Variants in PLB1 observed in about 807,000 individuals in gnomAD.
PLB1 encodes the protein phospholipase B1, membrane-associated.
Under a neutral mutation model 227.4 loss-of-function variants are expected in PLB1, and 242 were observed. The observed-to-expected ratio is 1.06, with a 90% CI of 0.96 to 1.18. PLB1 has a LOEUF of 1.18. Among genes scored for constraint, PLB1 ranks in the 50% most tolerant of loss-of-function variants. PLB1 has a pLI of 0.00. For synonymous variants in PLB1, 757 were observed against 682.2 expected (o/e 1.11, Z -1.71); for missense variants, 1,858 against 1,816.3 (o/e 1.02, Z -0.42).
chr2:28,594,998 T>G (rs1284238694), intron 33 of PLB1: 1 of 152,038 alleles, frequency 6.6e-6, no homozygotes, highest in African/African-American at 2.4e-5. Flanking sequence ...GAAACAAAAA[T>G]CAAGCAGACG....
chr2:28,613,227 T>A (rs1433183141), intron 43 of PLB1, among the ~76,000 whole-genome samples: 3 of 152,140 alleles, frequency 2.0e-5, no homozygotes, highest in Non-Finnish European at 4.4e-5. Context: ...GCCAGCCTGG[T>A]TTTTTCTTCT....
chr2:28,549,050 C>T, intron 15 of PLB1, 119 bp downstream of exon 15: 2 of 849,420 alleles, frequency 2.4e-6, no homozygotes, highest in South Asian at 3.0e-5. Context: ...TTCTGTTCTT[C>T]TGGGCCTGCA....
Position 28,643,562 on chromosome 2 carries a change from G to A in PLB1, c.*501G>A, listed in dbSNP as rs1265028660. ...TGTTTTGTATCCAGGACAATGCGAAGCACTGAGGTGCCTCCTAGGCTGTGC... is the reference window on the plus strand; with the variant it reads ...TGTTTTGTATCCAGGACAATGCGAAACACTGAGGTGCCTCCTAGGCTGTGC... On this transcript the variant is annotated 3_prime_UTR_variant, in exon 58 of 58. Transcript: ENST00000327757. 1 of 153,116 alleles carries A rather than the reference G, an allele frequency of 6.5e-6. No individual in the cohort carries two copies. Among genetic ancestry groups the A allele is most frequent in the Admixed American group, 6.5e-5 (1 of 15,376 alleles). 9.5% of individuals were successfully genotyped at this position (153,116 alleles called of 1,614,324 possible).
At position 28,620,631 on chromosome 2, in the gene PLB1, A is replaced by G. The variant is rs780792095; in HGVS notation, c.3415A>G (p.Thr1139Ala). The G allele has an allele frequency of 6.2e-7, 1 of 1,613,884 alleles. No homozygotes were observed. Among genetic ancestry groups the G allele is most frequent in the South Asian group, 1.1e-5 (1 of 91,022 alleles). The change falls in exon 48 of 58, where the codon ACC becomes GCC. Residue 1139 changes from threonine (T) to alanine (A), a missense_variant. By Grantham distance (58) the Thr-to-Ala change is moderately conservative. Coordinates refer to ENST00000327757, the MANE Select transcript of PLB1 (RefSeq NM_153021.5). ...IGGDGNLETH[T>A]TLPNILKKFN... is the part of the protein sequence containing the mutation. ...AGGGGATGGGAACTTGGAGACTCAC[A>G]CCACACTGCCCAGTAAGTAGCAGCC...
intron 17 of PLB1, among the ~76,000 whole-genome samples, chr2:28,556,181 C>G (rs574423461): frequency 6.6e-6 from 1 of 152,244 alleles, no homozygotes; most frequent in African/African-American, 2.4e-5. Flanking sequence ...TTTCAAAAAC[C>G]TTCTTTATAG....
chr2:28,544,204 T>C (rs1672895837), intron 14 of PLB1, among the ~76,000 whole-genome samples: 1 of 152,220 alleles, frequency 6.6e-6, no homozygotes, highest in African/African-American at 2.4e-5. Context: ...CTACTGTCTG[T>C]CCTTTGAAGA....
At chr2:28,567,843 G>A (rs142031633) in intron 20 of PLB1, among the ~76,000 whole-genome samples, 1 of 152,062 alleles carries the variant, frequency 6.6e-6, no homozygotes, top group African/African-American at 2.4e-5. Flanking sequence ...CTCCCTGCTT[G>A]TTCTTAAAGT....
intron 21 of PLB1, among the ~76,000 whole-genome samples, chr2:28,576,192 C>T (rs944603122): frequency 2.6e-5 from 4 of 152,160 alleles, no homozygotes; most frequent in South Asian, 2.1e-4. Context: ...GTTATTATTC[C>T]CGTATTACAA....
chr2:28,635,342 G>C (rs77865708), intron 56 of PLB1, among the ~76,000 whole-genome samples: 1,632 of 152,304 alleles, frequency 0.011, 26 homozygotes, highest in African/African-American at 0.038. Flanking sequence ...GACCATTAGA[G>C]CTGGAACAGA....
intron 5 of PLB1, 104 bp from the exon 6 acceptor site, chr2:28,525,801 G>C: frequency 5.0e-6 from 7 of 1,411,084 alleles, no homozygotes; most frequent in East Asian, 2.3e-5. Context: ...CCAGAGCAAG[G>C]CTAGGCCAAA....
intron 1 of PLB1, among the ~76,000 whole-genome samples, chr2:28,510,307 C>T (rs1668083485): frequency 6.6e-6 from 1 of 152,132 alleles, no homozygotes; most frequent in African/African-American, 2.4e-5. Context: ...TTTCCAAGCT[C>T]TTAACCTCTG....
intron 20 of PLB1, among the ~76,000 whole-genome samples, chr2:28,568,025 G>C (rs1403453917): frequency 6.6e-6 from 1 of 152,106 alleles, no homozygotes; most frequent in Non-Finnish European, 1.5e-5. Context: ...TGGATGAGGG[G>C]GACATCATAG....
intron 39 of PLB1, among the ~76,000 whole-genome samples, chr2:28,603,718 C>T (rs954666088): frequency 6.6e-6 from 1 of 152,218 alleles, no homozygotes; most frequent in Non-Finnish European, 1.5e-5. Context: ...TGCAGTCCAA[C>T]ACTTGTGCTC....
chr2:28,626,881 G>GTTC (rs1687872004), intron 51 of PLB1, among the ~76,000 whole-genome samples: 1 of 152,184 alleles, frequency 6.6e-6, no homozygotes, highest in African/African-American at 2.4e-5. Flanking sequence ...GCAAAACAAT[G>GTTC]TTCTAAATGG....
At chr2:28,627,324 T>TG (rs1443779484) in intron 51 of PLB1, among the ~76,000 whole-genome samples, 1 of 116,050 alleles carries the variant, frequency 8.6e-6, no homozygotes, top group Non-Finnish European at 1.6e-5. Flanking sequence ...TAAGTATTGC[T>TG]GTGTTCTGGA....
At chr2:28,626,898 A>T (rs932956476) in intron 51 of PLB1, among the ~76,000 whole-genome samples, 1 of 152,194 alleles carries the variant, frequency 6.6e-6, no homozygotes, top group Non-Finnish European at 1.5e-5. Context: ...ATGGGGTTGG[A>T]TGGGTCATCA....
chr2:28,539,104 C>T lies in PLB1; in HGVS notation c.624C>T (p.Pro208=). 1 of 1,613,460 alleles carries T rather than the reference C, an allele frequency of 6.2e-7. No individual in the cohort carries two copies. The highest frequency in any genetic ancestry group is 8.5e-7 in the Non-Finnish European group (1 of 1,179,328). The change falls in exon 11 of 58, where the codon CCC becomes CCT. Residue 208 remains proline (P), a synonymous_variant. Coordinates refer to ENST00000327757, the MANE Select transcript of PLB1 (RefSeq NM_153021.5). ...GVLDYLQQEV[P]RAFVNLVDLS... is the part of the protein sequence containing the mutation. Reference sequence around the variant, plus strand: ...CTCTCTGTGTGTCCTCCTAGGTCCCCAGAGCATTTGTAAACCTGGTGGACC... The same window carrying T: ...CTCTCTGTGTGTCCTCCTAGGTCCCTAGAGCATTTGTAAACCTGGTGGACC...
intron 57 of PLB1, among the ~76,000 whole-genome samples, chr2:28,641,443 A>G (rs190770312): frequency 1.6e-4 from 25 of 152,332 alleles, no homozygotes; most frequent in African/African-American, 5.8e-4. Flanking sequence ...CCCCGTCTCT[A>G]GTAAAAATCC....
At chr2:28,595,167 G>C (rs955778997) in intron 33 of PLB1, 1 of 152,188 alleles carries the variant, frequency 6.6e-6, no homozygotes, top group African/African-American at 2.4e-5. Context: ...CTGCAGCGAT[G>C]GGAAAATTCA....
Sources: allele counts gnomAD v4.1 joint callset (sites outside exome capture counted in the v4.1 genomes callset), GRCh38; gene constraint gnomAD v4.1.1; transcripts MANE v1.5; gene names NCBI Gene and HGNC (gene_info 2026-07-23, HGNC 2026-07-21).